EPB41L4A: variants seen among roughly 807,000 people sequenced by gnomAD.
EPB41L4A encodes the protein band 4.1-like protein 4A.
Under a neutral mutation model 108.6 loss-of-function variants are expected in EPB41L4A, and 100 were observed. That is an observed-to-expected ratio of 0.92 (90% CI 0.78 to 1.09). EPB41L4A has a LOEUF of 1.09. Ranked by LOEUF, EPB41L4A falls within the 50% of genes least tolerant of loss-of-function variation. The pLI is 0.00. For missense variants in EPB41L4A, 1,030 were observed against 842.7 expected, an observed-to-expected ratio of 1.22 and a Z score of -2.75; for synonymous variants, 319 against 289.0, an observed-to-expected ratio of 1.10 and a Z score of -1.05.
chr5:112,185,472 A>C (rs1761382336), intron 17 of EPB41L4A, among the ~76,000 whole-genome samples: 1 of 152,250 alleles, frequency 6.6e-6, no homozygotes, highest in African/African-American at 2.4e-5. Context: ...TGAAAAGAAC[A>C]GCACTTTGTG....
At chr5:112,314,518 AAAAAAAAAAAAAAAAAAAAAG>A (rs2150600403) in intron 1 of EPB41L4A, among the ~76,000 whole-genome samples, 1 of 123,476 alleles carries the variant, frequency 8.1e-6, no homozygotes, top group Non-Finnish European at 1.8e-5. Flanking sequence ...AAAAAAAAAA[AAAAAAAAAAAAAAAAAAAAAG>A]AAAAGAAATT....
At chr5:112,386,821 T>C (rs537738963) in intron 1 of EPB41L4A, among the ~76,000 whole-genome samples, 5 of 152,298 alleles carry the variant, frequency 3.3e-5, no homozygotes, top group African/African-American at 7.2e-5. Context: ...ACAACGGGAA[T>C]AGAAAGTGAT....
intron 2 of EPB41L4A, among the ~76,000 whole-genome samples, chr5:112,288,028 AC>A (rs1753397504): frequency 6.6e-6 from 1 of 152,240 alleles, no homozygotes; most frequent in Non-Finnish European, 1.5e-5. Context: ...CAGAAGGCAA[AC>A]AATGCTGCAA....
intron 3 of EPB41L4A, among the ~76,000 whole-genome samples, chr5:112,278,403 C>T (rs1226643434): frequency 6.6e-6 from 1 of 151,990 alleles, no homozygotes; most frequent in Non-Finnish European, 1.5e-5. Context: ...AGGCACTCGC[C>T]ACCACATCTG....
chr5:112,229,987 CAAA>C (rs71224877), intron 12 of EPB41L4A, among the ~76,000 whole-genome samples: 2 of 77,194 alleles, frequency 2.6e-5, no homozygotes, highest in Non-Finnish European at 2.6e-5. Flanking sequence ...GACTCTGTCT[CAAA>C]AAAAAAAAAA....
chr5:112,340,127 A>C (rs1209339568), intron 1 of EPB41L4A, among the ~76,000 whole-genome samples: 1 of 152,164 alleles, frequency 6.6e-6, no homozygotes, highest in Non-Finnish European at 1.5e-5. Flanking sequence ...CCTTTCAACA[A>C]AGTGTTAAGG....
At chr5:112,355,148 C>T (rs1348474930) in intron 1 of EPB41L4A, among the ~76,000 whole-genome samples, 1 of 152,072 alleles carries the variant, frequency 6.6e-6, no homozygotes, top group Admixed American at 6.5e-5. Flanking sequence ...TTGTCACTAC[C>T]AAATATAATC....
intron 12 of EPB41L4A, among the ~76,000 whole-genome samples, chr5:112,227,851 C>T (rs1403909534): frequency 1.3e-5 from 2 of 152,180 alleles, no homozygotes; most frequent in African/African-American, 2.4e-5. Context: ...CTCTGTCTTC[C>T]CTGCTTTGAC....
intron 1 of EPB41L4A, among the ~76,000 whole-genome samples, chr5:112,330,967 T>C (rs1453529065): frequency 1.3e-5 from 2 of 152,152 alleles, no homozygotes; most frequent in African/African-American, 4.8e-5. Context: ...ACGTATCTTG[T>C]TGAGGTCAAC....
chr5:112,175,191 G>A (rs527960236), intron 18 of EPB41L4A: 4 of 152,328 alleles, frequency 2.6e-5, no homozygotes, highest in Middle Eastern at 3.4e-3. Context: ...GAGGGAGCCC[G>A]AACCTTCTCT....
At chr5:112,205,271 T>TC (rs76338745) in intron 14 of EPB41L4A, 150 bp downstream of exon 14, 268,847 of 703,512 alleles carry the variant, frequency 0.38, 53,060 homozygotes, top group South Asian at 0.5. Context: ...CCAGCCCCTC[T>TC]CCCCTGGGTC....
At chr5:112,412,379 G>A (rs1010684701) in intron 1 of EPB41L4A, among the ~76,000 whole-genome samples, 1 of 152,210 alleles carries the variant, frequency 6.6e-6, no homozygotes, top group African/African-American at 2.4e-5. Flanking sequence ...GCAAGAGTGT[G>A]TAGTTATAGA....
chr5:112,413,520 C>G (rs968260496), intron 1 of EPB41L4A, among the ~76,000 whole-genome samples: 1 of 152,192 alleles, frequency 6.6e-6, no homozygotes, highest in African/African-American at 2.4e-5. Flanking sequence ...GTATACAGCT[C>G]TGACTCCTGG....
intron 1 of EPB41L4A, among the ~76,000 whole-genome samples, chr5:112,346,213 T>C (rs1043787094): frequency 3.1e-4 from 42 of 137,036 alleles, no homozygotes; most frequent in African/African-American, 1.1e-3. Flanking sequence ...TTAGGTACAT[T>C]GCATTTTTTT....
rs548951359 is a variant in EPB41L4A at position 112,263,510 on chromosome 5, C to T, written c.555-929G>A. The T allele has an allele frequency of 4.6e-5, 7 of 152,344 alleles. No individual in the cohort carries two copies. In the East Asian group the frequency reaches 1.3e-3, roughly 29 times the overall value. 9.4% of individuals were successfully genotyped at this position (152,344 alleles called of 1,614,324 possible). ...AACACATGAGAGCCTTTACCCAAAG[C>T]TCCTTGATAATTTCAATATATAATT... On this transcript the variant is annotated intron_variant, in intron 6 of 22. Transcript: ENST00000261486.
chr5:112,175,065 C>A (rs902139192), intron 18 of EPB41L4A: 2 of 152,302 alleles, frequency 1.3e-5, no homozygotes, highest in Non-Finnish European at 2.9e-5. Context: ...GTTATATCTT[C>A]ACCTAACACA....
At position 112,418,969 on chromosome 5, in the gene EPB41L4A, G is replaced by C. The variant is rs1225638235; in HGVS notation, c.71C>G (p.Thr24Ser). The C allele has an allele frequency of 6.2e-7, 1 of 1,613,254 alleles. No homozygotes were observed. Among genetic ancestry groups the C allele is most frequent in the Non-Finnish European group, 8.5e-7 (1 of 1,179,660 alleles). Residue 24 changes from threonine (T) to serine (S), a missense_variant, in exon 1 of 23, where the codon ACC (threonine) becomes AGC (serine). By Grantham distance (58) the Thr-to-Ser change is moderately conservative (BLOSUM62 1). Coordinates refer to ENST00000261486, the MANE Select transcript of EPB41L4A (RefSeq NM_022140.5). ...EVLLLDESKL[T>S]LTTQQQGIKK... ...GATGCCCTGCTGCTGGGTGGTAAGG[G>C]TTAACTTGGATTCATCCAGGAGCAA...
At position 112,266,408 on chromosome 5, in the gene EPB41L4A, G is replaced by C. The variant is rs1751861332; in HGVS notation, c.336-78C>G. ...GAGGTTTCGGACCCTGATAATCAAG[G>C]TTAACAACCAATCACCTTCAATTAA... On this transcript the variant is annotated intron_variant, in intron 4 of 22. Coordinates refer to ENST00000261486, the MANE Select transcript of EPB41L4A (RefSeq NM_022140.5). The C allele has an allele frequency of 3.2e-6, 3 of 935,728 alleles. No homozygotes were observed. The Admixed American group carries it at 8.5e-5, about 27-fold the overall frequency. The allele number at this position is 935,728 out of a possible 1,614,324, so 58.0% of individuals were successfully genotyped here. A position where few individuals can be genotyped will look rare whatever the true frequency, so the allele number is the denominator to read the frequency against.
At chr5:112,329,638 C>T (rs932506951) in intron 1 of EPB41L4A, among the ~76,000 whole-genome samples, 5 of 152,190 alleles carry the variant, frequency 3.3e-5, no homozygotes, top group Non-Finnish European at 7.3e-5. Flanking sequence ...CACTACTGCA[C>T]CATACACCCT....
Sources: allele counts gnomAD v4.1 joint callset (sites outside exome capture counted in the v4.1 genomes callset), GRCh38; gene constraint gnomAD v4.1.1; transcripts MANE v1.5; gene names NCBI Gene and HGNC (gene_info 2026-07-23, HGNC 2026-07-21).